The following BBS9 variants were observed in gnomAD, a reference collection of about 807,000 sequenced individuals.
BBS9 encodes Bardet-Biedl syndrome 9.
Under a neutral mutation model 117.7 loss-of-function variants are expected in BBS9, and 89 were observed. The observed-to-expected ratio is 0.76, with a 90% CI of 0.64 to 0.90. The LOEUF is 0.90. Ranked by LOEUF, BBS9 falls within the 40% of genes least tolerant of loss-of-function variation. The probability of loss-of-function intolerance (pLI) is 0.00; values close to 1 mark genes in which losing one functional copy is unlikely to be tolerated. For synonymous variants in BBS9, 379 were observed against 370.9 expected, an observed-to-expected ratio of 1.02 and a Z score of -0.25; for missense variants, 982 against 1,042.2, an observed-to-expected ratio of 0.94 and a Z score of 0.80.
chr7:33,136,718 T>G (rs910925348), intron 1 of BBS9, among the ~76,000 whole-genome samples: 1 of 152,218 alleles, frequency 6.6e-6, no homozygotes, highest in Non-Finnish European at 1.5e-5. Flanking sequence ...ATTATTGGAT[T>G]CAATTAGCTA....
chr7:33,347,404 C>T (rs569232967), intron 12 of BBS9, among the ~76,000 whole-genome samples: 1 of 151,978 alleles, frequency 6.6e-6, no homozygotes, highest in East Asian at 1.9e-4. Context: ...TGTCTTCCTG[C>T]CATAATAACC....
At chr7:33,495,583 A>G (rs945944387) in intron 19 of BBS9, among the ~76,000 whole-genome samples, 1 of 152,190 alleles carries the variant, frequency 6.6e-6, no homozygotes, top group Non-Finnish European at 1.5e-5. Flanking sequence ...ATGAGTAACC[A>G]TAGTCCGGAG....
chr7:33,321,541 A>G (rs1436147320), intron 9 of BBS9, among the ~76,000 whole-genome samples: 1 of 152,004 alleles, frequency 6.6e-6, no homozygotes, highest in Non-Finnish European at 1.5e-5. Context: ...CACTATTGGT[A>G]TATAGAAATG....
chr7:33,361,262 T>A (rs1003952713), intron 16 of BBS9, among the ~76,000 whole-genome samples: 2 of 152,186 alleles, frequency 1.3e-5, no homozygotes, highest in Non-Finnish European at 2.9e-5. Context: ...ATACAAAAAT[T>A]TTACTTAAAT....
At chr7:33,156,625 G>T (rs1310128553) in intron 4 of BBS9, among the ~76,000 whole-genome samples, 2 of 152,158 alleles carry the variant, frequency 1.3e-5, no homozygotes, top group African/African-American at 4.8e-5. Context: ...AGGCAGGCTT[G>T]GTAACCTGGC....
intron 5 of BBS9, among the ~76,000 whole-genome samples, chr7:33,178,187 G>A (rs763963526): frequency 6.6e-6 from 1 of 152,196 alleles, no homozygotes; most frequent in Admixed American, 6.5e-5. Flanking sequence ...TGGAAGAGTG[G>A]GGGATGTGGG....
At chr7:33,216,054 A>T (rs573820115) in intron 5 of BBS9, among the ~76,000 whole-genome samples, 1 of 152,288 alleles carries the variant, frequency 6.6e-6, no homozygotes, top group East Asian at 1.9e-4. Context: ...TAGTTTCCTT[A>T]TGCTTGGCCA....
chr7:33,261,228 T>G (rs1328688436), intron 6 of BBS9, among the ~76,000 whole-genome samples: 1 of 152,182 alleles, frequency 6.6e-6, no homozygotes, highest in Non-Finnish European at 1.5e-5. Context: ...ACATAGTAGT[T>G]TTTCAGTGCT....
intron 19 of BBS9, among the ~76,000 whole-genome samples, chr7:33,409,700 T>A (rs1006325456): frequency 6.6e-6 from 1 of 152,224 alleles, no homozygotes; most frequent in African/African-American, 2.4e-5. Flanking sequence ...AAAATTATAG[T>A]CATTCTAGTA....
intron 9 of BBS9, among the ~76,000 whole-genome samples, chr7:33,321,307 T>G (rs1341566790): frequency 6.6e-6 from 1 of 152,040 alleles, no homozygotes; most frequent in South Asian, 2.1e-4. Context: ...ATTGAGTGTA[T>G]AGATTGCTTT....
intron 8 of BBS9, 72 bp downstream of exon 8, chr7:33,273,267 C>T: frequency 7.1e-7 from 1 of 1,406,098 alleles, no homozygotes; most frequent in Non-Finnish European, 1.0e-6. Flanking sequence ...AAAAGCCACA[C>T]TCATACACAT....
chr7:33,620,550 C>T (rs1049992491), intron 21 of BBS9, among the ~76,000 whole-genome samples: 2 of 151,538 alleles, frequency 1.3e-5, no homozygotes, highest in Admixed American at 1.3e-4. Flanking sequence ...GGTGAAAGAT[C>T]TATACACTGA....
At chr7:33,348,919 ATTAC>A (rs1378262831) in intron 12 of BBS9, 145 bp from the exon 13 acceptor site, 3 of 609,004 alleles carry the variant, frequency 4.9e-6, no homozygotes, top group East Asian at 6.0e-5. Context: ...ATTTTAATCT[ATTAC>A]TTACTGTATT....
intron 21 of BBS9, among the ~76,000 whole-genome samples, chr7:33,597,686 A>T (rs985950918): frequency 2.0e-5 from 3 of 152,042 alleles, no homozygotes; most frequent in African/African-American, 7.2e-5. Context: ...GCAAAAAAAA[A>T]ATGTGTTATT....
At chr7:33,380,143 C>G (rs946857225) in intron 17 of BBS9, 3 of 161,442 alleles carry the variant, frequency 1.9e-5, no homozygotes, top group African/African-American at 7.2e-5. Context: ...CAGCATACAG[C>G]AGGCAGTGTC....
intron 21 of BBS9, among the ~76,000 whole-genome samples, chr7:33,565,797 A>AG (rs201630863): frequency 2.4e-5 from 1 of 41,488 alleles, no homozygotes; most frequent in Non-Finnish European, 4.0e-5. Flanking sequence ...ATATATATAT[A>AG]TATATATATA....
chr7:33,220,994 A>C (rs1583700502), intron 5 of BBS9, among the ~76,000 whole-genome samples: 1 of 152,362 alleles, frequency 6.6e-6, no homozygotes, highest in South Asian at 2.1e-4. Flanking sequence ...CGTTTGTTAG[A>C]GGTTTAGCCG....
intron 21 of BBS9, among the ~76,000 whole-genome samples, chr7:33,615,466 T>C (rs1450912575): frequency 6.6e-6 from 1 of 152,018 alleles, no homozygotes; most frequent in African/African-American, 2.4e-5. Context: ...GATGGGCTCA[T>C]TGGTAGACTG....
At chr7:33,230,873 A>G (rs1792238154) in intron 5 of BBS9, among the ~76,000 whole-genome samples, 1 of 152,188 alleles carries the variant, frequency 6.6e-6, no homozygotes, top group Non-Finnish European at 1.5e-5. Context: ...TTGTGCTGCA[A>G]TAAACATATG....
Sources: gnomAD v4.1 joint callset for allele counts (sites outside exome capture counted in the v4.1 genomes callset) on GRCh38, gnomAD v4.1.1 for gene constraint, MANE v1.5 for transcripts, NCBI Gene and HGNC (gene_info 2026-07-23, HGNC 2026-07-21) for gene names.